PRX: variants seen among roughly 807,000 people sequenced by gnomAD.
PRX encodes the protein periaxin.
PRX carries 24 observed loss-of-function variants against 29.6 expected under a neutral mutation model. The observed-to-expected ratio is 0.81, with a 90% confidence interval of 0.59 to 1.14. The LOEUF is 1.14. Among genes scored for constraint, PRX ranks in the 50% most tolerant of loss-of-function variants. The pLI is 0.00. For synonymous variants in PRX, 772 were observed against 831.7 expected (o/e 0.93, Z 1.24); for missense variants, 1,838 against 1,926.4 (o/e 0.95, Z 0.86).
Position 40,396,177 on chromosome 19 carries a change from T to C in PRX, c.2175A>G (p.Pro725=), listed in dbSNP as rs1467460787. 1.3e-6 allele frequency: 2 copies of C among 1,596,830 alleles called. No individual in the cohort carries two copies. Among genetic ancestry groups the C allele is most frequent in the South Asian group, 2.2e-5 (2 of 90,484 alleles). ...CAGGCACCTTGGGGAGTTTTATCTC[T>C]GGGAGCTTCATGTCAGGGACTTTCA... is the stretch of plus-strand genomic sequence containing the variant. The part of the protein sequence containing the change: ...CEMKVPDMKL[P]EIKLPKVPEM... Residue 725 remains proline, a synonymous_variant, in exon 7 of 7, where the codon CCA becomes CCG. Coordinates refer to ENST00000324001, the MANE Select transcript of PRX (RefSeq NM_181882.3).
At chr19:40,405,626 CTTTTTTTTTTTTTTT>C (rs1167458782) in intron 4 of PRX, among the ~76,000 whole-genome samples, 8 of 74,430 alleles carry the variant, frequency 1.1e-4, no homozygotes, top group East Asian at 5.4e-4. Context: ...TGCAGAATCT[CTTTTTTTTTTTTTTT>C]TTTTTTTTTT....
In PRX at chr19:40,398,893, G is replaced by T; in HGVS notation, c.185-77C>A. 6.2e-7 allele frequency: 1 copy of T among 1,601,140 alleles called. No homozygotes were observed. Among genetic ancestry groups the T allele is most frequent in the East Asian group, 2.3e-5 (1 of 44,230 alleles). Reference sequence around the variant, plus strand: ...GGGCCTAGTTCTGCCCACTTGCACGGAGCCCTCGCGGTGAGGACCCGCCCC... The same window carrying T: ...GGGCCTAGTTCTGCCCACTTGCACGTAGCCCTCGCGGTGAGGACCCGCCCC... On this transcript the variant is annotated intron_variant, in intron 5 of 6. Coordinates refer to ENST00000324001, the MANE Select transcript of PRX (RefSeq NM_181882.3). This position sits in a 1 kb window ranked among gnomAD's most constrained non-coding sequence, Gnocchi z 6.3.
chr19:40,399,341 T>A (rs1355639084), intron 5 of PRX, among the ~76,000 whole-genome samples: 1 of 152,210 alleles, frequency 6.6e-6, no homozygotes, highest in African/African-American at 2.4e-5. Flanking sequence ...CATATTATTA[T>A]TTCTCGCATA....
chr19:40,393,855 G>C lies in PRX; in HGVS notation c.*111C>G. On this transcript the variant is annotated 3_prime_UTR_variant, in exon 7 of 7. Transcript: ENST00000324001. Reference sequence around the variant, plus strand: ...GGAGCAGGCCTCCCTGCCAGCCCTGGTCAGTCACCCACCTCCCGGCCCTCT... The same window carrying C: ...GGAGCAGGCCTCCCTGCCAGCCCTGCTCAGTCACCCACCTCCCGGCCCTCT... 1 of 1,542,538 alleles carries C rather than the reference G, an allele frequency of 6.5e-7. No homozygotes were observed. Among genetic ancestry groups the C allele is most frequent in the Non-Finnish European group, 8.8e-7 (1 of 1,134,218 alleles).
intron 1 of PRX, among the ~76,000 whole-genome samples, chr19:40,409,095 GC>G (rs2079546694): frequency 6.6e-6 from 1 of 151,264 alleles, no homozygotes; most frequent in Non-Finnish European, 1.5e-5. Flanking sequence ...CAAGTGATCA[GC>G]CCACCTTGGC....
chr19:40,404,380 G>C (rs1030536697), intron 4 of PRX, among the ~76,000 whole-genome samples: 1 of 148,430 alleles, frequency 6.7e-6, no homozygotes, highest in Admixed American at 6.8e-5. Context: ...ATTGAGAGGC[G>C]GGACCAGGAT....
At chr19:40,409,376 A>G (rs560478468) in intron 1 of PRX, among the ~76,000 whole-genome samples, 4 of 152,146 alleles carry the variant, frequency 2.6e-5, no homozygotes, top group African/African-American at 9.6e-5. Context: ...TTTACCTCGC[A>G]GGGCTGTTCC....
chr19:40,409,858 G>A (rs992436262), intron 1 of PRX, among the ~76,000 whole-genome samples: 22 of 152,148 alleles, frequency 1.4e-4, no homozygotes, highest in Non-Finnish European at 2.5e-4. Context: ...CCTCAGCACA[G>A]CCTTGTGCAA....
chr19:40,406,777 T>C (rs11880896), intron 4 of PRX, among the ~76,000 whole-genome samples: 2 of 136,054 alleles, frequency 1.5e-5, no homozygotes, highest in African/African-American at 7.1e-5. Flanking sequence ...ATTTCTTTTT[T>C]TTTTTTTTTT....
chr19:40,408,816 G>GT (rs1555802637), intron 1 of PRX, among the ~76,000 whole-genome samples: 4 of 143,306 alleles, frequency 2.8e-5, no homozygotes, highest in African/African-American at 1.1e-4. Context: ...TGTTGTTGGT[G>GT]GTGTGTGTGT....
rs757223803 is a variant in PRX, at chr19:40,394,452, G to A, written c.3900C>T (p.Ala1300=). The change falls in exon 7 of 7, where the codon GCC becomes GCT. Residue 1300 remains alanine, a synonymous_variant. Coordinates refer to ENST00000324001, the MANE Select transcript of PRX (RefSeq NM_181882.3). The surrounding 1 kb of genome is among the most constrained non-coding windows in gnomAD (Gnocchi z 5.8). ...GCAGCCGTACCTTGAGCTTGTGTCCGGCCTCTCCCTCCCCCTCTGCCACCT... is the reference window on the plus strand; with the variant it reads ...GCAGCCGTACCTTGAGCTTGTGTCCAGCCTCTCCCTCCCCCTCTGCCACCT... The part of the protein sequence containing the change: ...EYQVAEGEGE[A]GHKLKVRLPR... The A allele has an allele frequency of 8.1e-6, 13 of 1,601,666 alleles. No homozygotes were observed. The Middle Eastern group carries it at 6.6e-4, about 81-fold the overall frequency.
chr19:40,403,888 T>C, intron 4 of PRX, 26 bp from the exon 5 acceptor site: 6 of 1,601,924 alleles, frequency 3.7e-6, no homozygotes, highest in East Asian at 2.2e-5. Flanking sequence ...AGGTGTCGCG[T>C]TGGGGCTCTA....
chr19:40,394,507 G>T lies in PRX; in HGVS notation c.3845C>A (p.Ser1282Ter). The T allele has an allele frequency of 1.2e-6, 2 of 1,600,038 alleles. No homozygotes were observed. The highest frequency in any genetic ancestry group is 1.7e-6 in the Non-Finnish European group (2 of 1,173,962). ...CTCGGCATGGTTGCCCCCGGATGGC[G>T]AGAGCTCCACGTCGGGCAGTGAGAG... ...FCLSLPDVEL[S>*]PSGGNHAEYQ... The change falls in exon 7 of 7, where the codon TCG becomes TAG. Residue 1282 changes from serine (S) to a stop codon, truncating the protein, a stop_gained. Coordinates refer to ENST00000324001, the MANE Select transcript of PRX (RefSeq NM_181882.3). LOFTEE classifies it high-confidence loss of function. This position sits in a 1 kb window ranked among gnomAD's most constrained non-coding sequence, Gnocchi z 5.8.
chr19:40,394,354 A>G lies in PRX; in HGVS notation c.3998T>C (p.Leu1333Pro), dbSNP rs754673395. 3 of 1,605,442 alleles carry G rather than the reference A, an allele frequency of 1.9e-6. No homozygotes were observed. The highest frequency in any genetic ancestry group is 2.6e-6 in the Non-Finnish European group (3 of 1,175,864). The part of the protein sequence containing the change: ...GEKAKSPKLR[L>P]PRVGFSQSEM... Reference sequence around the variant, plus strand: ...ACTTTGGCTGAAGCCCACTCGGGGCAGCCTGAGTTTGGGGCTCTTGGCCTT... The same window carrying G: ...ACTTTGGCTGAAGCCCACTCGGGGCGGCCTGAGTTTGGGGCTCTTGGCCTT... Residue 1333 changes from leucine (L) to proline (P), a missense_variant, in exon 7 of 7, where the codon CTG (leucine) becomes CCG (proline). Transcript: ENST00000324001. The surrounding 1 kb of genome is among the most constrained non-coding windows in gnomAD (Gnocchi z 5.8).
Position 40,397,072 on chromosome 19 carries a change from A to T in PRX, c.1280T>A (p.Ile427Asn). Residue 427 changes from isoleucine (I) to asparagine (N), a missense_variant, in exon 7 of 7, where the codon ATC becomes AAC. Ile to Asn is a moderately radical substitution (Grantham distance 149). This residue lies in a region of PRX where 666 missense variants were observed against 665.0 expected (regional missense o/e 1.00). Coordinates refer to ENST00000324001, the MANE Select transcript of PRX (RefSeq NM_181882.3). Reference protein sequence around the residue: ...LPTIKMPSLGIGVSGPEVKVP... With the variant: ...LPTIKMPSLGNGVSGPEVKVP... ...CTTGACCTCGGGCCCTGACACTCCG[A>T]TGCCAAGGGAGGGCATCTTGATGGT... The T allele has an allele frequency of 6.2e-7, 1 of 1,614,062 alleles. No homozygotes were observed. The highest frequency in any genetic ancestry group is 2.2e-5 in the East Asian group (1 of 44,878).
rs142436702 is a variant in PRX, at chr19:40,394,087, C to T, written c.4265G>A (p.Arg1422Gln). Reference protein sequence around the residue: ...FPRVSLSPKARSGSGDQEEGG... With the variant: ...FPRVSLSPKAQSGSGDQEEGG... Reference sequence around the variant, plus strand: ...CTCTTCCTGGTCCCCACTCCCACTCCGGGCCTTGGGGCTTAGGGACACCCT... The same window carrying T: ...CTCTTCCTGGTCCCCACTCCCACTCTGGGCCTTGGGGCTTAGGGACACCCT... Residue 1422 changes from arginine (R) to glutamine (Q), a missense_variant, in exon 7 of 7, where the codon CGG (arginine) becomes CAG (glutamine). Around this residue, in one of 3 missense-constraint regions of PRX, gnomAD observed 1,143 missense variants for 1,193.0 expected, o/e 0.96. Transcript: ENST00000324001. This position sits in a 1 kb window ranked among gnomAD's most constrained non-coding sequence, Gnocchi z 5.8. 5.3e-5 allele frequency: 86 copies of T among 1,611,184 alleles called. No individual in the cohort carries two copies. The African/African-American group carries it at 8.8e-4, about 17-fold the overall frequency.
intron 4 of PRX, 85 bp downstream of exon 4, chr19:40,407,821 G>A (rs1199444463): frequency 3.2e-5 from 51 of 1,571,996 alleles, no homozygotes; most frequent in Non-Finnish European, 4.2e-5. Flanking sequence ...GAGGCACAGA[G>A]AGGCCAGAAA....
Position 40,396,563 on chromosome 19 carries a change from C to T in PRX, c.1789G>A (p.Glu597Lys), listed in dbSNP as rs1337647847. 4 of 1,613,250 alleles carry T rather than the reference C, an allele frequency of 2.5e-6. No homozygotes were observed. The highest frequency in any genetic ancestry group is 1.6e-4 in the Middle Eastern group (1 of 6,068). The change falls in exon 7 of 7, where the codon GAG (glutamate) becomes AAG (lysine). Residue 597 changes from glutamate to lysine, a missense_variant. Physicochemically the swap from Glu to Lys is moderately conservative, Grantham distance 56. Coordinates refer to ENST00000324001, the MANE Select transcript of PRX (RefSeq NM_181882.3). ...LPKVPEMKLP[E>K]MKLPEVQLPK... is the part of the protein sequence containing the mutation. ...AGTTGCACTTCAGGGAGTTTCATCT[C>T]AGGAAGTTTCATCTCAGGCACCTTT...
At chr19:40,402,882 A>T (rs767947506) in intron 5 of PRX, among the ~76,000 whole-genome samples, 2 of 148,892 alleles carry the variant, frequency 1.3e-5, no homozygotes, top group Non-Finnish European at 3.0e-5. Flanking sequence ...ATAATGTCTG[A>T]CATAGGGTGG....
Sources: allele counts gnomAD v4.1 joint callset (sites outside exome capture counted in the v4.1 genomes callset), GRCh38; gene constraint gnomAD v4.1.1; regional missense constraint gnomAD v4.1.1; non-coding constraint Gnocchi (gnomAD v3.1); transcripts MANE v1.5; gene names NCBI Gene and HGNC (gene_info 2026-07-23, HGNC 2026-07-21).